ZNF362: variants seen among roughly 807,000 people sequenced by gnomAD.
ZNF362 encodes the protein rotund homolog.
In ZNF362, 11 loss-of-function variants were observed where a neutral mutation model predicts 42.9. The ratio of observed to expected loss-of-function variants is 0.26; its 90% CI spans 0.16 to 0.42. The LOEUF is 0.42. Ranked by LOEUF, ZNF362 falls within the 20% of genes least tolerant of loss-of-function variation. The pLI, the probability that ZNF362 is intolerant of heterozygous loss-of-function variation, is 1.00. For missense variants in ZNF362, 362 were observed against 576.2 expected (o/e 0.63, Z 3.81); for synonymous variants, 255 against 257.3 (o/e 0.99, Z 0.09).
the ZNF362 span, among the ~76,000 whole-genome samples, chr1:33,178,472 C>T: frequency 3.9e-5 from 6 of 152,316 alleles, 1 homozygote; most frequent in East Asian, 1.9e-4. Context: ...GCCTCCTTCT[C>T]GGGCCAGAGA....
At chr1:33,139,761 G>T in the ZNF362 span, among the ~76,000 whole-genome samples, 1 of 152,166 alleles carries the variant, frequency 6.6e-6, no homozygotes, top group South Asian at 2.1e-4. Flanking sequence ...TGGTGGGGAG[G>T]GCTGAGTGCT....
At chr1:33,167,237 C>T in the ZNF362 span, among the ~76,000 whole-genome samples, 11 of 152,330 alleles carry the variant, frequency 7.2e-5, no homozygotes, top group East Asian at 1.9e-4. The surrounding 1 kb of genome is among the most constrained non-coding windows in gnomAD (Gnocchi z 4.2). Context: ...TCTGGATTCA[C>T]GGTCTTCCTT....
chr1:33,147,690 G>A, the ZNF362 span: 3 of 1,613,516 alleles, frequency 1.9e-6, no homozygotes, highest in South Asian at 2.2e-5. This position sits in a 1 kb window ranked among gnomAD's most constrained non-coding sequence, Gnocchi z 8.1. Flanking sequence ...TCAGGCGCTG[G>A]TGGGCTGTGC....
chr1:33,183,388 A>G, the ZNF362 span, among the ~76,000 whole-genome samples: 1 of 152,244 alleles, frequency 6.6e-6, no homozygotes, highest in Non-Finnish European at 1.5e-5. Context: ...CAGAATCTCC[A>G]TCATTGCGAG....
the ZNF362 span, among the ~76,000 whole-genome samples, chr1:33,247,400 C>G: frequency 4.3e-4 from 66 of 152,350 alleles, 2 homozygotes; most frequent in East Asian, 0.013. Flanking sequence ...CTGCGGCTAT[C>G]TTCCACTTGG....
At chr1:33,297,996 G>A (rs147595333) in intron 8 of ZNF362, among the ~76,000 whole-genome samples, 4 of 152,290 alleles carry the variant, frequency 2.6e-5, no homozygotes, top group Admixed American at 1.3e-4. Flanking sequence ...GCATGTTGCC[G>A]CCACATTTGA....
chr1:33,145,120 C>A, the ZNF362 span, among the ~76,000 whole-genome samples: 6 of 152,292 alleles, frequency 3.9e-5, no homozygotes, highest in African/African-American at 1.4e-4. Flanking sequence ...CTGCCTGCTC[C>A]CAAGACTACC....
In ZNF362 at chr1:33,276,133, C is replaced by T; in HGVS notation, c.72C>T (p.Phe24=). 4 of 1,614,016 alleles carry T rather than the reference C, an allele frequency of 2.5e-6. No individual in the cohort carries two copies. The highest frequency in any genetic ancestry group is 3.4e-6 in the Non-Finnish European group (4 of 1,180,018). ...AGCCTCGATTTAACAACCCCTACTT[C>T]TGGCCCCCTCCTCCCACCATGCCCA... ...MAEPRFNNPY[F]WPPPPTMPSQ... Residue 24 remains phenylalanine, a synonymous_variant, in exon 3 of 9, where the codon TTC becomes TTT. Transcript: ENST00000539719.
chr1:33,254,280 C>T (rs899873129), upstream of ZNF362, among the ~76,000 whole-genome samples: 5 of 152,072 alleles, frequency 3.3e-5, no homozygotes, highest in South Asian at 2.1e-4. Flanking sequence ...GCACGTGCCA[C>T]GCCTGGCTAA....
At chr1:33,237,487 A>G in the ZNF362 span, among the ~76,000 whole-genome samples, 423 of 152,272 alleles carry the variant, frequency 2.8e-3, 6 homozygotes, top group African/African-American at 9.9e-3. Context: ...CTGCTCCAAG[A>G]TGACATCGAT....
the ZNF362 span, among the ~76,000 whole-genome samples, chr1:33,233,963 A>G: frequency 8.5e-5 from 13 of 152,302 alleles, no homozygotes; most frequent in East Asian, 2.3e-3. Context: ...GAATTAAATG[A>G]GTTTCTGCAT....
the ZNF362 span, among the ~76,000 whole-genome samples, chr1:33,209,744 G>T: frequency 6.6e-6 from 1 of 152,176 alleles, no homozygotes; most frequent in Non-Finnish European, 1.5e-5. Context: ...ATGGTAGTTT[G>T]TATTTCTGTG....
chr1:33,289,924 G>A (rs1646063870), intron 6 of ZNF362, among the ~76,000 whole-genome samples: 1 of 152,156 alleles, frequency 6.6e-6, no homozygotes, highest in Non-Finnish European at 1.5e-5. Context: ...AGGGAAGGCT[G>A]CCCTGATAAA....
At chr1:33,293,545 C>G (rs1040126482) in intron 6 of ZNF362, among the ~76,000 whole-genome samples, 4 of 152,128 alleles carry the variant, frequency 2.6e-5, no homozygotes, top group African/African-American at 9.7e-5. Context: ...GATGGCAAAC[C>G]CAGTCAGTGA....
At chr1:33,193,872 A>G in the ZNF362 span, among the ~76,000 whole-genome samples, 7 of 152,232 alleles carry the variant, frequency 4.6e-5, no homozygotes, top group Admixed American at 4.6e-4. Flanking sequence ...CAGTAACGGT[A>G]CTAACAGCTT....
At chr1:33,187,055 C>T in the ZNF362 span, among the ~76,000 whole-genome samples, 1 of 152,024 alleles carries the variant, frequency 6.6e-6, no homozygotes, top group Admixed American at 6.6e-5. Context: ...AAGATTTATC[C>T]TGCAGGGAAA....
At chr1:33,184,568 A>G in the ZNF362 span, among the ~76,000 whole-genome samples, 3 of 152,208 alleles carry the variant, frequency 2.0e-5, no homozygotes, top group Non-Finnish European at 4.4e-5. Context: ...GAGTTGGAAC[A>G]TAGATGTACC....
the ZNF362 span, chr1:33,159,852 C>G: frequency 1.9e-6 from 3 of 1,613,374 alleles, no homozygotes; most frequent in Non-Finnish European, 2.5e-6. The surrounding 1 kb of genome is among the most constrained non-coding windows in gnomAD (Gnocchi z 4.2). Flanking sequence ...CCGCCTCCAG[C>G]TCCTCTAGCA....
the ZNF362 span, among the ~76,000 whole-genome samples, chr1:33,133,840 A>G: frequency 1.3e-5 from 2 of 152,346 alleles, no homozygotes; most frequent in African/African-American, 4.8e-5. Flanking sequence ...CAAGTGGCCA[A>G]TTGTTCTTCC....
Sources: gnomAD v4.1 joint callset for allele counts (sites outside exome capture counted in the v4.1 genomes callset) on GRCh38, gnomAD v4.1.1 for gene constraint, Gnocchi (gnomAD v3.1) non-coding constraint, MANE v1.5 for transcripts, NCBI Gene and HGNC (gene_info 2026-07-23, HGNC 2026-07-21) for gene names.